DNAH11: variants seen among roughly 807,000 people sequenced by gnomAD.
DNAH11 encodes axonemal beta dynein heavy chain 11.
Under a neutral mutation model 526.0 loss-of-function variants are expected in DNAH11, and 442 were observed. The observed-to-expected ratio is 0.84, with a 90% CI of 0.78 to 0.91. DNAH11 has a LOEUF of 0.91. DNAH11 is among the 40% of genes least tolerant of loss of function. DNAH11 has a pLI of 0.00. For synonymous variants in DNAH11, 2,461 were observed against 1,935.9 expected (o/e 1.27, Z -7.12); for missense variants, 6,989 against 5,448.7 (o/e 1.28, Z -8.90).
intron 60 of DNAH11, among the ~76,000 whole-genome samples, chr7:21,788,027 A>T (rs998673188): frequency 6.6e-6 from 1 of 152,184 alleles, no homozygotes; most frequent in Admixed American, 6.5e-5. Context: ...TTTTAATGAC[A>T]GGTAAGTTTT....
intron 29 of DNAH11, among the ~76,000 whole-genome samples, chr7:21,656,929 ACTCT>A (rs1298546779): frequency 6.6e-6 from 1 of 152,072 alleles, no homozygotes; most frequent in African/African-American, 2.4e-5. Flanking sequence ...GTTGCCATAA[ACTCT>A]CTTGACAAAA....
At chr7:21,615,715 G>A (rs1785742644) in intron 21 of DNAH11, among the ~76,000 whole-genome samples, 1 of 152,016 alleles carries the variant, frequency 6.6e-6, no homozygotes. Context: ...GAAAAAGTAA[G>A]TTCTAGGGAA....
chr7:21,881,182 G>GT (rs1783912317), intron 75 of DNAH11, among the ~76,000 whole-genome samples: 1 of 152,106 alleles, frequency 6.6e-6, no homozygotes, highest in Non-Finnish European at 1.5e-5. Flanking sequence ...TTACATGTGC[G>GT]TATATGCCAG....
intron 28 of DNAH11, among the ~76,000 whole-genome samples, chr7:21,640,072 A>G (rs933532412): frequency 6.6e-6 from 1 of 152,192 alleles, no homozygotes; most frequent in African/African-American, 2.4e-5. Flanking sequence ...ATACAAGTGC[A>G]GTCGTGCTGT....
intron 65 of DNAH11, among the ~76,000 whole-genome samples, chr7:21,819,987 A>G (rs182673257): frequency 5.3e-4 from 81 of 152,338 alleles, no homozygotes; most frequent in African/African-American, 1.9e-3. Flanking sequence ...AATGGTGCTG[A>G]TTGCATGCAG....
At chr7:21,737,932 A>G (rs1266257596) in intron 46 of DNAH11, among the ~76,000 whole-genome samples, 4 of 152,118 alleles carry the variant, frequency 2.6e-5, no homozygotes, top group Non-Finnish European at 5.9e-5. Context: ...AAAGGTGTTT[A>G]TTTATTTATG....
Position 21,894,770 on chromosome 7 carries a change from C to G in DNAH11, c.12898C>G (p.Arg4300Gly). The change falls in exon 78 of 82, where the codon CGT (arginine) becomes GGT (glycine). Residue 4300 changes from arginine to glycine, a missense_variant. Physicochemically the swap from Arg to Gly is moderately radical, Grantham distance 125. Coordinates refer to ENST00000409508, the MANE Select transcript of DNAH11 (RefSeq NM_001277115.2). Reference protein sequence around the residue: ...ERMNILIREIRISLEQLDLSL... With the variant: ...ERMNILIREIGISLEQLDLSL... Reference sequence around the variant, plus strand: ...GATGAATATTCTCATTCGGGAAATACGTATATCACTTGAACAACTGGACCT... The same window carrying G: ...GATGAATATTCTCATTCGGGAAATAGGTATATCACTTGAACAACTGGACCT... 1.9e-6 allele frequency: 3 copies of G among 1,611,894 alleles called. No homozygotes were observed. Among genetic ancestry groups the G allele is most frequent in the Non-Finnish European group, 2.5e-6 (3 of 1,178,910 alleles).
intron 9 of DNAH11, among the ~76,000 whole-genome samples, chr7:21,582,244 C>G (rs894439454): frequency 6.6e-6 from 1 of 152,170 alleles, no homozygotes; most frequent in African/African-American, 2.4e-5. Context: ...TCTGTTCTTG[C>G]ATTCACAGTG....
At chr7:21,859,434 A>G (rs541742249) in intron 68 of DNAH11, among the ~76,000 whole-genome samples, 30 of 152,312 alleles carry the variant, frequency 2.0e-4, no homozygotes, top group African/African-American at 7.0e-4. Context: ...TTGTGTTTAA[A>G]CTTGGGTTCC....
In DNAH11 at chr7:21,894,900, C is replaced by G; in HGVS notation, c.12950C>G (p.Ser4317Cys). Residue 4317 changes from serine (S) to cysteine (C), a missense_variant, in exon 79 of 82, where the codon TCT becomes TGT. Physicochemically the swap from Ser to Cys is moderately radical, Grantham distance 112. Transcript: ENST00000409508. ...DLSLKGELALSPAVEAQQFAL... is the reference protein window; with the variant it reads ...DLSLKGELALCPAVEAQQFAL... The stretch of plus-strand genomic sequence containing the variant: ...CCATGCAAGGGGGAATTGGCATTAT[C>G]TCCTGCTGTGGAAGCCCAGCAGTTT... 1.2e-6 allele frequency: 2 copies of G among 1,613,958 alleles called. No homozygotes were observed. Among genetic ancestry groups the G allele is most frequent in the Non-Finnish European group, 8.5e-7 (1 of 1,179,876 alleles).
At chr7:21,614,082 A>G (rs1785654551) in intron 20 of DNAH11, among the ~76,000 whole-genome samples, 1 of 152,074 alleles carries the variant, frequency 6.6e-6, no homozygotes, top group Non-Finnish European at 1.5e-5. Context: ...CAGCCTCGCA[A>G]TTCCAAAGCA....
At chr7:21,620,117 A>T in intron 25 of DNAH11, 39 bp downstream of exon 25, 2 of 1,451,212 alleles carry the variant, frequency 1.4e-6, no homozygotes, top group Non-Finnish European at 1.8e-6. Context: ...TTTTCATTTT[A>T]TTTTTATTTG....
At chr7:21,677,932 G>A (rs193190253) in intron 30 of DNAH11, among the ~76,000 whole-genome samples, 16 of 152,218 alleles carry the variant, frequency 1.1e-4, no homozygotes, top group Admixed American at 2.0e-4. Flanking sequence ...ATTTGTTGCC[G>A]TTGAGTTGTA....
intron 37 of DNAH11, 128 bp downstream of exon 37, chr7:21,702,930 C>T: frequency 2.5e-6 from 2 of 805,080 alleles, no homozygotes; most frequent in Non-Finnish European, 3.9e-6. Flanking sequence ...GTTGTTAATG[C>T]AGGAAATTTG....
intron 61 of DNAH11, among the ~76,000 whole-genome samples, chr7:21,798,915 A>C (rs1020677027): frequency 9.2e-5 from 14 of 152,228 alleles, no homozygotes; most frequent in African/African-American, 2.9e-4. Flanking sequence ...TATTAATATT[A>C]AATAAATAAA....
rs961599100 is a variant in DNAH11 at position 21,690,447 on chromosome 7, G to A, written c.5925-318G>A. Reference sequence around the variant, plus strand: ...TCAAGGAATTGCAGCCCATGTTGAAGGTAAAAATGCCATCACCTCCTTCCA... The same window carrying A: ...TCAAGGAATTGCAGCCCATGTTGAAAGTAAAAATGCCATCACCTCCTTCCA... On this transcript the variant is annotated intron_variant, in intron 34 of 81. Transcript: ENST00000409508. Among the ~76,000 whole-genome samples, 6 of 152,072 alleles carry A rather than the reference G, an allele frequency of 3.9e-5. 1 individual carries two copies. The highest frequency in any genetic ancestry group is 2.1e-4 in the South Asian group (1 of 4,822).
intron 14 of DNAH11, among the ~76,000 whole-genome samples, chr7:21,597,564 C>A (rs1468770083): frequency 6.6e-6 from 1 of 152,142 alleles, no homozygotes. Flanking sequence ...GTCCGTCTTA[C>A]ATGGTGGCAG....
In DNAH11 at chr7:21,636,077, G is replaced by T. The variant is rs780784315; in HGVS notation, c.4707G>T (p.Gly1569=). 4 of 1,610,632 alleles carry T rather than the reference G, an allele frequency of 2.5e-6. No individual in the cohort carries two copies. In the Admixed American group the frequency reaches 6.7e-5, roughly 27 times the overall value. ...QLVKDARRFD[G]VDAEFKELMF... ...TGAAAGATGCTAGAAGATTTGATGG[G>T]GTGGATGCTGAATTTAAGGTTTGTC... Residue 1569 remains glycine, a synonymous_variant, in exon 26 of 82, where the codon GGG becomes GGT. Transcript: ENST00000409508.
chr7:21,856,640 A>C (rs191487897), intron 68 of DNAH11, among the ~76,000 whole-genome samples: 241 of 152,334 alleles, frequency 1.6e-3, no homozygotes, highest in African/African-American at 5.6e-3. Flanking sequence ...TATCATGACC[A>C]AGTGGAATGT....
Sources: allele counts gnomAD v4.1 joint callset (sites outside exome capture counted in the v4.1 genomes callset), GRCh38; gene constraint gnomAD v4.1.1; transcripts MANE v1.5; gene names NCBI Gene and HGNC (gene_info 2026-07-23, HGNC 2026-07-21).